Variants in CEP85L observed in about 807,000 individuals in gnomAD.
The protein encoded by CEP85L is centrosomal protein 85L, also known as centrosomal protein of 85 kDa-like.
Under a neutral mutation model 100.3 loss-of-function variants are expected in CEP85L, and 60 were observed. That is an observed-to-expected ratio of 0.60 (90% CI 0.49 to 0.74). The LOEUF (loss-of-function observed/expected upper bound fraction) is 0.74. CEP85L is among the 30% of genes least tolerant of loss of function. The probability of loss-of-function intolerance (pLI) is 0.00; values close to 1 mark genes in which losing one functional copy is unlikely to be tolerated. For synonymous variants in CEP85L, 319 were observed against 322.7 expected (o/e 0.99, Z 0.12); for missense variants, 973 against 936.2 (o/e 1.04, Z -0.51).
intron 2 of CEP85L, among the ~76,000 whole-genome samples, chr6:118,631,007 C>T (rs1172860044): frequency 6.6e-6 from 1 of 152,242 alleles, no homozygotes; most frequent in African/African-American, 2.4e-5. Flanking sequence ...AAACTATCTT[C>T]CACCAAACCA....
chr6:118,468,097 G>A (rs1005831532), intron 12 of CEP85L, among the ~76,000 whole-genome samples: 1 of 152,010 alleles, frequency 6.6e-6, no homozygotes, highest in South Asian at 2.1e-4. Context: ...GTGTTTTTTC[G>A]ATATCCACAT....
At chr6:118,648,891 A>G (rs1775373846) in intron 1 of CEP85L, among the ~76,000 whole-genome samples, 1 of 152,186 alleles carries the variant, frequency 6.6e-6, no homozygotes, top group Non-Finnish European at 1.5e-5. Context: ...ACCAGAAATT[A>G]TTTACTTATC....
chr6:118,620,576 G>C (rs1773370812), intron 2 of CEP85L, among the ~76,000 whole-genome samples: 1 of 152,300 alleles, frequency 6.6e-6, no homozygotes, highest in East Asian at 1.9e-4. Context: ...GATGATGAAG[G>C]CTCTCTGGGC....
At chr6:118,596,947 T>C (rs1260797144) in intron 2 of CEP85L, among the ~76,000 whole-genome samples, 1 of 152,150 alleles carries the variant, frequency 6.6e-6, no homozygotes, top group African/African-American at 2.4e-5. Context: ...CCACATGTCG[T>C]GGGAGGGACC....
At chr6:118,678,610 A>C (rs1370683339) in intron 1 of CEP85L, among the ~76,000 whole-genome samples, 1 of 152,232 alleles carries the variant, frequency 6.6e-6, no homozygotes, top group East Asian at 1.9e-4. Context: ...TGTGCAACAA[A>C]TGCTGCTACT....
At chr6:118,563,744 C>T (rs536302794) in intron 3 of CEP85L, among the ~76,000 whole-genome samples, 1 of 152,208 alleles carries the variant, frequency 6.6e-6, no homozygotes, top group South Asian at 2.1e-4. Context: ...CGCTACAGTG[C>T]CTGGCCAGAA....
intron 5 of CEP85L, among the ~76,000 whole-genome samples, chr6:118,498,525 C>T (rs1338078502): frequency 6.7e-6 from 1 of 149,866 alleles, no homozygotes; most frequent in African/African-American, 2.5e-5. Context: ...CTTGGGAGGC[C>T]AAGGCAGGTG....
At chr6:118,513,587 T>C (rs999382793) in intron 4 of CEP85L, among the ~76,000 whole-genome samples, 1 of 152,110 alleles carries the variant, frequency 6.6e-6, no homozygotes, top group Admixed American at 6.5e-5. Context: ...CCTAAAATTT[T>C]TGACATGAGA....
intron 2 of CEP85L, among the ~76,000 whole-genome samples, chr6:118,569,341 CAAAAAAAAAAAAAA>C (rs56123225): frequency 2.9e-5 from 2 of 68,196 alleles, no homozygotes; most frequent in South Asian, 6.8e-4. Flanking sequence ...GACTCTGTCT[CAAAAAAAAAAAAAA>C]AAAAAAAAAA....
intron 12 of CEP85L, among the ~76,000 whole-genome samples, chr6:118,466,497 G>T (rs1451261075): frequency 1.3e-5 from 2 of 152,084 alleles, no homozygotes; most frequent in Non-Finnish European, 2.9e-5. Context: ...AGTTGCAGTG[G>T]CATAAAAAAA....
chr6:118,475,358 T>C lies in CEP85L; in HGVS notation c.1914+4513A>G, dbSNP rs1178078602. On this transcript the variant is annotated intron_variant, in intron 10 of 12. Transcript: ENST00000368491. Reference sequence around the variant, plus strand: ...GAATTGTAGGTGACATTTTTTTTTTTTTTTTTTTTTTTTTGAGACGAGTCT... The same window carrying C: ...GAATTGTAGGTGACATTTTTTTTTTCTTTTTTTTTTTTTTGAGACGAGTCT... Among the ~76,000 whole-genome samples the C allele has an allele frequency of 3.6e-3, 532 of 146,958 alleles. 16 individuals carry two copies. The highest frequency in any genetic ancestry group is 0.013 in the African/African-American group (508 of 39,764).
intron 3 of CEP85L, chr6:118,548,152 T>A (rs1272051120): frequency 2.6e-5 from 4 of 152,116 alleles, no homozygotes; most frequent in Non-Finnish European, 5.9e-5. Context: ...TAATGACTTT[T>A]CCATACCTAA....
chr6:118,600,324 T>C (rs1324672181), intron 2 of CEP85L, among the ~76,000 whole-genome samples: 8 of 109,156 alleles, frequency 7.3e-5, no homozygotes, highest in African/African-American at 2.7e-4. Context: ...TGTGTGTGTG[T>C]GTGTGTGTGT....
At chr6:118,664,063 T>C (rs1474883158) in intron 1 of CEP85L, among the ~76,000 whole-genome samples, 1 of 151,968 alleles carries the variant, frequency 6.6e-6, no homozygotes, top group Non-Finnish European at 1.5e-5. Context: ...GCCTGCCTAA[T>C]TTTTGCATTT....
intron 3 of CEP85L, among the ~76,000 whole-genome samples, chr6:118,555,906 G>A (rs1778840647): frequency 6.6e-6 from 1 of 151,736 alleles, no homozygotes; most frequent in African/African-American, 2.4e-5. Flanking sequence ...GTGGTATTTG[G>A]TTTTCTTTTC....
chr6:118,651,086 G>A, intron 1 of CEP85L, 111 bp downstream of exon 1: 2 of 1,364,354 alleles, frequency 1.5e-6, no homozygotes, highest in Non-Finnish European at 1.9e-6. Context: ...GCGTCGGGGA[G>A]GCGGCCGGGG....
chr6:118,634,914 G>T (rs1455464013), intron 1 of CEP85L, among the ~76,000 whole-genome samples: 1 of 151,982 alleles, frequency 6.6e-6, no homozygotes, highest in Non-Finnish European at 1.5e-5. Flanking sequence ...ATAAATATAA[G>T]AAACGATGCC....
chr6:118,602,382 C>A (rs1312022116), intron 2 of CEP85L, among the ~76,000 whole-genome samples: 1 of 152,134 alleles, frequency 6.6e-6, no homozygotes, highest in Non-Finnish European at 1.5e-5. Flanking sequence ...GTAAACTAAA[C>A]TAGAAGGTTT....
chr6:118,624,651 AG>A (rs1214879612), intron 2 of CEP85L, among the ~76,000 whole-genome samples: 1 of 152,244 alleles, frequency 6.6e-6, no homozygotes. Context: ...GGAATGTTAT[AG>A]TGCTGCTTCT....
Sources: gnomAD v4.1 joint callset for allele counts (sites outside exome capture counted in the v4.1 genomes callset) on GRCh38, gnomAD v4.1.1 for gene constraint, MANE v1.5 for transcripts, NCBI Gene and HGNC (gene_info 2026-07-23, HGNC 2026-07-21) for gene names.